SPATA17: variants seen among roughly 807,000 people sequenced by gnomAD.
SPATA17 encodes the protein spermatogenesis-associated protein 17.
Under a neutral mutation model 62.2 loss-of-function variants are expected in SPATA17, and 53 were observed. The ratio of observed to expected loss-of-function variants is 0.85; its 90% confidence interval spans 0.68 to 1.07. The LOEUF is 1.07. SPATA17 is among the 50% of genes least tolerant of loss of function. SPATA17 has a pLI of 0.00. For missense variants in SPATA17, 466 were observed against 425.5 expected (o/e 1.10, Z -0.84); for synonymous variants, 146 against 146.8 (o/e 0.99, Z 0.04).
chr1:217,763,377 G>T (rs1673217707), intron 6 of SPATA17, among the ~76,000 whole-genome samples: 1 of 150,358 alleles, frequency 6.7e-6, no homozygotes, highest in Non-Finnish European at 1.5e-5. Context: ...GTGTGATTTG[G>T]CCAGGCAAAT....
At chr1:217,782,589 A>G (rs191547654) in intron 8 of SPATA17, among the ~76,000 whole-genome samples, 3 of 152,150 alleles carry the variant, frequency 2.0e-5, no homozygotes, top group Non-Finnish European at 2.9e-5. Flanking sequence ...ATCTGTGAAG[A>G]TAATTTTCTT....
At chr1:217,687,512 A>G (rs528029487) in intron 5 of SPATA17, among the ~76,000 whole-genome samples, 9 of 152,280 alleles carry the variant, frequency 5.9e-5, no homozygotes, top group African/African-American at 2.2e-4. Context: ...TTATAATACT[A>G]TACTTTTACT....
At chr1:217,794,662 C>T (rs935928782) in intron 8 of SPATA17, among the ~76,000 whole-genome samples, 2 of 152,158 alleles carry the variant, frequency 1.3e-5, no homozygotes, top group African/African-American at 4.8e-5. Context: ...GGAGCAGACT[C>T]ACAGTCTGAC....
At chr1:217,788,476 A>C (rs1187832554) in intron 8 of SPATA17, among the ~76,000 whole-genome samples, 1 of 152,028 alleles carries the variant, frequency 6.6e-6, no homozygotes, top group Non-Finnish European at 1.5e-5. Flanking sequence ...TAAATTAGGG[A>C]CTTTTAGGTG....
intron 5 of SPATA17, among the ~76,000 whole-genome samples, chr1:217,700,276 G>A (rs1052905012): frequency 5.3e-5 from 8 of 152,094 alleles, no homozygotes; most frequent in Non-Finnish European, 1.0e-4. Flanking sequence ...TCTTTTAAAA[G>A]TAAGTGATAT....
Position 217,669,052 on chromosome 1 carries a change from T to G in SPATA17, c.260T>G (p.Met87Arg). The G allele has an allele frequency of 6.2e-7, 1 of 1,611,902 alleles. No individual in the cohort carries two copies. The highest frequency in any genetic ancestry group is 8.5e-7 in the Non-Finnish European group (1 of 1,179,238). Reference protein sequence around the residue: ...LTVQVAYYTMMMNLYNAMAVR... With the variant: ...LTVQVAYYTMRMNLYNAMAVR... ...TCACAGGTAGCATATTATACTATGA[T>G]GATGAATCTCTACAATGCAATGGCT... The change falls in exon 4 of 11, where the codon ATG becomes AGG. Residue 87 changes from methionine to arginine, a missense_variant. Met to Arg is a moderately conservative substitution (Grantham distance 91). Coordinates refer to ENST00000366933, the MANE Select transcript of SPATA17 (RefSeq NM_138796.4).
chr1:217,754,754 G>A (rs186022013), intron 6 of SPATA17, among the ~76,000 whole-genome samples: 1 of 152,070 alleles, frequency 6.6e-6, no homozygotes, highest in Non-Finnish European at 1.5e-5. Context: ...AAAATTTCAG[G>A]CTCTAGTCTA....
chr1:217,658,283 T>C (rs1261066902), intron 3 of SPATA17, among the ~76,000 whole-genome samples: 1 of 152,092 alleles, frequency 6.6e-6, no homozygotes, highest in Non-Finnish European at 1.5e-5. Flanking sequence ...TGTTAATTCA[T>C]ATGAGAGCTG....
chr1:217,725,451 TTTTTA>T (rs1672238390), intron 5 of SPATA17, among the ~76,000 whole-genome samples: 1 of 152,256 alleles, frequency 6.6e-6, no homozygotes, highest in African/African-American at 2.4e-5. Flanking sequence ...CCAAATTGTG[TTTTTA>T]TTTTAATTAA....
rs1675927676 is a variant in SPATA17 at position 217,862,972 on chromosome 1, T to C, written c.*2+116T>C. On this transcript the variant is annotated intron_variant, in intron 10 of 10. Transcript: ENST00000366933. ...AAAACCATGCTATAATAATATTTTA[T>C]GTAATAAGACTCCATAAATTTCCTT... The C allele has an allele frequency of 1.9e-5, 11 of 572,828 alleles. 1 individual carries two copies. The South Asian group carries it at 2.7e-4, about 14-fold the overall frequency. The allele number at this position is 572,828 out of a possible 1,614,324, so 35.5% of individuals were successfully genotyped here. A position where few individuals can be genotyped will look rare whatever the true frequency, so the allele number is the denominator to read the frequency against.
At chr1:217,736,861 A>G (rs1280261901) in intron 5 of SPATA17, among the ~76,000 whole-genome samples, 1 of 152,230 alleles carries the variant, frequency 6.6e-6, no homozygotes, top group East Asian at 1.9e-4. Flanking sequence ...GTGGTGGCAA[A>G]TGCAAAGGTC....
At chr1:217,829,627 C>CAAAAAAAAAAAAAAAAA (rs397982930) in intron 9 of SPATA17, among the ~76,000 whole-genome samples, 4 of 46,758 alleles carry the variant, frequency 8.6e-5, no homozygotes, top group Non-Finnish European at 1.0e-4. Flanking sequence ...GACTCCATCT[C>CAAAAAAAAAAAAAAAAA]AAAAAAAAAA....
intron 9 of SPATA17, among the ~76,000 whole-genome samples, chr1:217,845,501 A>G (rs544570002): frequency 7.2e-5 from 11 of 152,154 alleles, no homozygotes; most frequent in Admixed American, 4.6e-4. Flanking sequence ...TCTGCATGGC[A>G]CAGAGACCCT....
intron 6 of SPATA17, among the ~76,000 whole-genome samples, chr1:217,744,066 C>A (rs377335494): frequency 6.6e-6 from 1 of 152,058 alleles, no homozygotes; most frequent in Non-Finnish European, 1.5e-5. Flanking sequence ...CTATGGAGTG[C>A]TTACCATGTG....
intron 9 of SPATA17, among the ~76,000 whole-genome samples, chr1:217,817,576 A>G (rs12130344): frequency 0.18 from 26,727 of 151,912 alleles, 2,962 homozygotes; most frequent in East Asian, 0.53. Context: ...ATGAACTAAT[A>G]CAGATGGTGA....
At chr1:217,722,270 T>A (rs1571758182) in intron 5 of SPATA17, among the ~76,000 whole-genome samples, 1 of 152,244 alleles carries the variant, frequency 6.6e-6, no homozygotes, top group Middle Eastern at 3.4e-3. Flanking sequence ...AAATTGGCAA[T>A]GGTTTTGGAA....
chr1:217,866,007 G>A (rs1419669733), intron 10 of SPATA17, among the ~76,000 whole-genome samples: 1 of 152,162 alleles, frequency 6.6e-6, no homozygotes. Context: ...TGAAAAATAA[G>A]TATAGTTAGC....
chr1:217,673,864 C>T (rs1007307944), intron 4 of SPATA17, among the ~76,000 whole-genome samples: 5 of 152,088 alleles, frequency 3.3e-5, no homozygotes, highest in African/African-American at 1.2e-4. Context: ...ATTGTTTTTT[C>T]CATCCTAAAG....
chr1:217,835,266 G>C (rs577135835), intron 9 of SPATA17, among the ~76,000 whole-genome samples: 1 of 152,032 alleles, frequency 6.6e-6, no homozygotes, highest in Non-Finnish European at 1.5e-5. Context: ...GTGTTTCGGG[G>C]TCTGCATTGT....
Sources: gnomAD v4.1 joint callset for allele counts (sites outside exome capture counted in the v4.1 genomes callset) on GRCh38, gnomAD v4.1.1 for gene constraint, MANE v1.5 for transcripts, NCBI Gene and HGNC (gene_info 2026-07-23, HGNC 2026-07-21) for gene names.